Variants in PCDH11X observed in about 807,000 individuals in gnomAD.
PCDH11X encodes the protein protocadherin-11 X-linked.
PCDH11X carries 18 observed loss-of-function variants against 53.3 expected under a neutral mutation model. That is an observed-to-expected ratio of 0.34 (90% CI 0.23 to 0.50). The LOEUF (loss-of-function observed/expected upper bound fraction) is 0.50, where lower values mean the gene tolerates loss of function less well. Among genes scored for constraint, PCDH11X ranks in the 20% least tolerant of loss-of-function variants. The pLI is 0.98. For missense variants in PCDH11X, 570 were observed against 1,032.4 expected, an observed-to-expected ratio of 0.55 and a Z score of 6.14; for synonymous variants, 279 against 393.3, an observed-to-expected ratio of 0.71 and a Z score of 3.44.
intron 7 of PCDH11X, among the ~76,000 whole-genome samples, chrX:92,237,141 A>G (rs966774608): frequency 1.8e-5 from 2 of 111,177 alleles, no homozygotes; most frequent in Non-Finnish European, 3.8e-5. Flanking sequence ...CTTTTATAGG[A>G]GGAGAAATTT....
At chrX:91,863,404 A>G (rs1938794700) in intron 5 of PCDH11X, among the ~76,000 whole-genome samples, 1 of 111,668 alleles carries the variant, frequency 9.0e-6, no homozygotes, top group Non-Finnish European at 1.9e-5. Context: ...TCTGTTTGAT[A>G]TAAGTATAGC....
chrX:92,164,178 G>A (rs1295818335), intron 6 of PCDH11X, among the ~76,000 whole-genome samples: 1 of 111,655 alleles, frequency 9.0e-6, no homozygotes, highest in Non-Finnish European at 1.9e-5. Context: ...TATGACACGG[G>A]CTTCTTCTTA....
intron 6 of PCDH11X, among the ~76,000 whole-genome samples, chrX:92,139,172 A>C (rs1464345057): frequency 9.2e-6 from 1 of 108,293 alleles, no homozygotes; most frequent in Non-Finnish European, 1.9e-5. Context: ...TTTAGTAAAT[A>C]CCTGGTATTA....
chrX:92,326,622 C>CTATACATATATATATATATATATATAA (rs2069335823), intron 8 of PCDH11X, among the ~76,000 whole-genome samples: 1 of 45,814 alleles, frequency 2.2e-5, no homozygotes, highest in Non-Finnish European at 3.3e-5. Context: ...TTTTAATAAA[C>CTATACATATATATATATATATATATAA]TATATATATA....
chrX:92,210,516 G>A (rs1433924406), intron 7 of PCDH11X, among the ~76,000 whole-genome samples: 1 of 110,836 alleles, frequency 9.0e-6, no homozygotes, highest in Admixed American at 9.6e-5. Context: ...TGGGATTACA[G>A]GCATGAGCAA....
At chrX:92,509,534 A>G (rs1405200550) in intron 10 of PCDH11X, among the ~76,000 whole-genome samples, 1 of 111,984 alleles carries the variant, frequency 8.9e-6, no homozygotes, top group Non-Finnish European at 1.9e-5. Flanking sequence ...CTTCTTTGAG[A>G]TAAGTATTAT....
intron 8 of PCDH11X, among the ~76,000 whole-genome samples, chrX:92,355,204 G>C (rs766771959): frequency 1.1e-5 from 1 of 95,124 alleles, no homozygotes; most frequent in South Asian, 6.0e-4. Flanking sequence ...GAGGCGGGCG[G>C]ATCATGAGGT....
Position 92,384,724 on chromosome X carries a change from A to G in PCDH11X, c.3145-3011A>G, listed in dbSNP as rs370326374. ...CCAGTTTATCGATCTGGGTGGTGCC[A>G]GCTGGTCCATCAAGTGCAGGATCTG... On this transcript the variant is annotated intron_variant, in intron 8 of 10. Transcript: ENST00000682573. Among the ~76,000 whole-genome samples, 11 of 105,707 alleles carry G rather than the reference A, an allele frequency of 1.0e-4. No individual in the cohort carries two copies. In the East Asian group the frequency reaches 2.1e-3, roughly 20 times the overall value. The allele number at this position is 105,707 out of a possible 115,157, so 91.8% of individuals were successfully genotyped here. A position where few individuals can be genotyped will look rare whatever the true frequency, so the allele number is the denominator to read the frequency against.
intron 10 of PCDH11X, among the ~76,000 whole-genome samples, chrX:92,496,946 G>T (rs910416253): frequency 1.8e-5 from 2 of 110,210 alleles, no homozygotes; most frequent in African/African-American, 6.7e-5. Context: ...AATTACTTGA[G>T]ACTCTTACCT....
intron 6 of PCDH11X, among the ~76,000 whole-genome samples, chrX:91,900,824 T>A (rs912975046): frequency 2.7e-5 from 3 of 111,505 alleles, no homozygotes; most frequent in African/African-American, 9.8e-5. Flanking sequence ...CATAAGCACA[T>A]GAAATCAAAT....
chrX:92,131,558 C>T (rs754956037), intron 6 of PCDH11X, among the ~76,000 whole-genome samples: 1 of 111,602 alleles, frequency 9.0e-6, no homozygotes, highest in South Asian at 3.8e-4. Context: ...AATTTATCTC[C>T]ACACCAACTC....
rs1602961294 is a variant in PCDH11X at position 92,113,556 on chromosome X, C to T, written c.3034-87819C>T. 9 of 1,199,332 alleles carry T rather than the reference C, an allele frequency of 7.5e-6. No homozygotes were observed. In the East Asian group the frequency reaches 2.7e-4, roughly 36 times the overall value. On this transcript the variant is annotated intron_variant, in intron 6 of 10. Transcript: ENST00000682573. The stretch of plus-strand genomic sequence containing the variant: ...GCTCCTTTTGGTCCATATCTCCATG[C>T]ATGGCGGAGACAGTGAAATCTCGAG...
At chrX:92,457,024 T>G in intron 9 of PCDH11X, among the ~76,000 whole-genome samples, 1 of 107,801 alleles carries the variant, frequency 9.3e-6, no homozygotes. Flanking sequence ...ACATTGCCAT[T>G]AAACAGTAAA....
chrX:92,613,544 GT>G (rs1188591267), intron 10 of PCDH11X, among the ~76,000 whole-genome samples: 102 of 56,166 alleles, frequency 1.8e-3, no homozygotes, highest in Admixed American at 2.8e-3. Flanking sequence ...TGTTGTTGTT[GT>G]TGTGTGTGTG....
rs750544003 is a variant in PCDH11X at position 91,825,349 on chromosome X, C to T, written c.-44-10112C>T. On this transcript the variant is annotated intron_variant, in intron 4 of 10. Transcript: ENST00000682573. The stretch of plus-strand genomic sequence containing the variant: ...GAGACTCCGTGGGCGTAGGACCTTC[C>T]GAGCCAGGTGCAGGATATAATCTCG... 2.6e-3 allele frequency among the ~76,000 whole-genome samples: 289 copies of T among 111,475 alleles called. 1 individual carries two copies. Among genetic ancestry groups the T allele is most frequent in the African/African-American group, 7.9e-3 (240 of 30,544 alleles).
intron 10 of PCDH11X, among the ~76,000 whole-genome samples, chrX:92,487,048 C>CT (rs758641899): frequency 0.047 from 3,191 of 67,718 alleles, 476 homozygotes; most frequent in African/African-American, 0.16. Context: ...AATATGCTTC[C>CT]TTTTTTTTTT....
intron 6 of PCDH11X, among the ~76,000 whole-genome samples, chrX:92,096,182 A>T (rs1287118637): frequency 8.0e-5 from 9 of 112,093 alleles, no homozygotes; most frequent in African/African-American, 2.9e-4. Context: ...AATGCAAGTC[A>T]CTTGCTGAAG....
chrX:92,092,079 G>T (rs1453771939), intron 6 of PCDH11X, among the ~76,000 whole-genome samples: 2 of 111,116 alleles, frequency 1.8e-5, no homozygotes, highest in African/African-American at 3.3e-5. Flanking sequence ...AGATATACAA[G>T]GTTAAATAAT....
At chrX:92,543,465 T>C (rs1391312526) in intron 10 of PCDH11X, among the ~76,000 whole-genome samples, 1 of 107,434 alleles carries the variant, frequency 9.3e-6, no homozygotes, top group East Asian at 3.0e-4. Context: ...ATCCTACCTT[T>C]CCTATAAACC....
Sources: allele counts gnomAD v4.1 joint callset (sites outside exome capture counted in the v4.1 genomes callset), GRCh38; gene constraint gnomAD v4.1.1; transcripts MANE v1.5; gene names NCBI Gene and HGNC (gene_info 2026-07-23, HGNC 2026-07-21).